HNRNPC: variants seen among roughly 807,000 people sequenced by gnomAD.
The protein encoded by HNRNPC is heterogeneous nuclear ribonucleoprotein C.
A neutral mutation model predicts 33.2 loss-of-function variants in HNRNPC; 3 were observed. That is an observed-to-expected ratio of 0.09 (90% CI 0.04 to 0.23). The LOEUF is 0.23. Among genes scored for constraint, HNRNPC ranks in the 10% least tolerant of loss-of-function variants. HNRNPC has a pLI of 1.00. For synonymous variants in HNRNPC, 121 were observed against 126.7 expected, an observed-to-expected ratio of 0.96 and a Z score of 0.30; for missense variants, 143 against 366.7, an observed-to-expected ratio of 0.39 and a Z score of 4.98.
chr14:21,258,077 T>C (rs1340386082), intron 2 of HNRNPC, among the ~76,000 whole-genome samples: 1 of 152,174 alleles, frequency 6.6e-6, no homozygotes, highest in Non-Finnish European at 1.5e-5. Flanking sequence ...TTTGGAACTT[T>C]AACCAAACTA....
At chr14:21,265,511 C>T (rs1412165993) in intron 1 of HNRNPC, 1 of 152,174 alleles carries the variant, frequency 6.6e-6, no homozygotes, top group African/African-American at 2.4e-5. Flanking sequence ...CATTTTCAAT[C>T]AAGAATATTC....
intron 5 of HNRNPC, among the ~76,000 whole-genome samples, chr14:21,218,138 A>AT (rs1892399111): frequency 6.6e-6 from 1 of 152,070 alleles, no homozygotes; most frequent in African/African-American, 2.4e-5. Context: ...AGTTTTTGTA[A>AT]TTTTAGTAGA....
intron 5 of HNRNPC, among the ~76,000 whole-genome samples, chr14:21,214,187 T>G (rs1473173282): frequency 1.3e-5 from 2 of 152,232 alleles, no homozygotes; most frequent in African/African-American, 4.8e-5. Flanking sequence ...AAAATACACC[T>G]ACCAACTGTT....
chr14:21,250,629 G>C (rs552131251), intron 2 of HNRNPC, among the ~76,000 whole-genome samples: 1 of 152,220 alleles, frequency 6.6e-6, no homozygotes, highest in South Asian at 2.1e-4. Context: ...AATTCTGTTT[G>C]TAATTTAGAA....
chr14:21,230,022 T>C (rs141841287), intron 5 of HNRNPC, among the ~76,000 whole-genome samples: 44 of 152,326 alleles, frequency 2.9e-4, no homozygotes, highest in African/African-American at 9.4e-4. Context: ...CAGTTCTAAA[T>C]CTGTTACCCA....
chr14:21,227,632 A>G (rs970099200), intron 5 of HNRNPC, among the ~76,000 whole-genome samples: 2 of 152,224 alleles, frequency 1.3e-5, no homozygotes, highest in African/African-American at 4.8e-5. Context: ...TTCTGTGAAG[A>G]TATTTCTGCA....
chr14:21,250,903 G>T (rs1221796953), intron 2 of HNRNPC, among the ~76,000 whole-genome samples: 1 of 152,182 alleles, frequency 6.6e-6, no homozygotes, highest in Non-Finnish European at 1.5e-5. Flanking sequence ...CTCCCAGATG[G>T]TGATGATGCT....
intron 2 of HNRNPC, among the ~76,000 whole-genome samples, chr14:21,257,218 G>A (rs541252001): frequency 3.9e-5 from 6 of 152,184 alleles, no homozygotes; most frequent in South Asian, 2.1e-4. Context: ...CTTAAGTGTC[G>A]AAATCAGCTT....
intron 5 of HNRNPC, among the ~76,000 whole-genome samples, chr14:21,215,057 C>G (rs1892013335): frequency 1.3e-5 from 2 of 152,154 alleles, no homozygotes; most frequent in Admixed American, 6.5e-5. Flanking sequence ...TGACCACAGC[C>G]AAAATAAAGC....
intron 2 of HNRNPC, among the ~76,000 whole-genome samples, chr14:21,246,375 T>C (rs889255635): frequency 1.6e-4 from 24 of 152,128 alleles, no homozygotes; most frequent in African/African-American, 5.8e-4. Flanking sequence ...CTGGCTAACA[T>C]GGTGAAACTC....
chr14:21,239,642 G>A (rs981356732), intron 2 of HNRNPC, among the ~76,000 whole-genome samples: 1 of 152,154 alleles, frequency 6.6e-6, no homozygotes, highest in Non-Finnish European at 1.5e-5. Flanking sequence ...GGGAGGCTGA[G>A]GCGAGCAAAT....
chr14:21,209,524 G>A lies in HNRNPC; in HGVS notation c.*1699C>T, dbSNP rs1256939104. On this transcript the variant is annotated 3_prime_UTR_variant, in exon 9 of 9. Coordinates refer to ENST00000553300, the MANE Select transcript of HNRNPC (RefSeq NM_004500.4). ...CAGATTAGAAAACATCAAGTGGGTA[G>A]TATTTTTGACTGAATTAACATACAA... The A allele has an allele frequency of 6.6e-6, 1 of 152,212 alleles. No individual in the cohort carries two copies. Among genetic ancestry groups the A allele is most frequent in the African/African-American group, 2.4e-5 (1 of 41,464 alleles). 9.4% of individuals were successfully genotyped at this position (152,212 alleles called of 1,614,324 possible).
intron 5 of HNRNPC, chr14:21,213,334 C>T: frequency 2.0e-6 from 1 of 506,684 alleles, no homozygotes; most frequent in Admixed American, 3.6e-5. Flanking sequence ...AATACTGTAG[C>T]AACTTTTCCT....
intron 5 of HNRNPC, among the ~76,000 whole-genome samples, chr14:21,218,490 T>C (rs1023291563): frequency 6.7e-6 from 1 of 149,846 alleles, no homozygotes; most frequent in Admixed American, 6.7e-5. Flanking sequence ...GTTAAGAGAC[T>C]AGCCTGGCCA....
At chr14:21,224,780 C>G (rs772589543) in intron 5 of HNRNPC, among the ~76,000 whole-genome samples, 1 of 152,134 alleles carries the variant, frequency 6.6e-6, no homozygotes, top group African/African-American at 2.4e-5. Flanking sequence ...ATCAAGGCCC[C>G]TCACAACTCA....
chr14:21,257,998 G>A (rs902163582), intron 2 of HNRNPC, among the ~76,000 whole-genome samples: 12 of 152,130 alleles, frequency 7.9e-5, no homozygotes, highest in African/African-American at 2.4e-4. Flanking sequence ...TAAGGTGTTG[G>A]GAAATCAAGG....
intron 2 of HNRNPC, among the ~76,000 whole-genome samples, chr14:21,256,710 G>T (rs574186583): frequency 6.6e-6 from 1 of 151,952 alleles, no homozygotes; most frequent in African/African-American, 2.4e-5. Flanking sequence ...GTGCAATGGT[G>T]CGGGTGCGAT....
intron 2 of HNRNPC, among the ~76,000 whole-genome samples, chr14:21,261,117 G>A (rs922300324): frequency 1.3e-5 from 2 of 152,056 alleles, no homozygotes; most frequent in African/African-American, 2.4e-5. Flanking sequence ...CTTACAGGCA[G>A]GTACCAACGC....
Position 21,267,123 on chromosome 14 carries a change from A to AC in HNRNPC, c.-63+2174_-63+2175insG, listed in dbSNP as rs1555362151. The stretch of plus-strand genomic sequence containing the variant: ...AAAAAAAAAAAAAAAAAAAAAAAAA[A>AC]AAAACAAAACTGCTTTTAATAAAAC... On this transcript the variant is annotated intron_variant, in intron 1 of 8. Coordinates refer to ENST00000553300, the MANE Select transcript of HNRNPC (RefSeq NM_004500.4). 3.8e-4 allele frequency among the ~76,000 whole-genome samples: 46 copies of AC among 122,600 alleles called. 2 individuals carry two copies. The highest frequency in any genetic ancestry group is 1.1e-3 in the South Asian group (4 of 3,726). The allele number at this position is 122,600 out of a possible 152,430, so 80.4% of individuals were successfully genotyped here.
Sources: gnomAD v4.1 joint callset for allele counts (sites outside exome capture counted in the v4.1 genomes callset) on GRCh38, gnomAD v4.1.1 for gene constraint, MANE v1.5 for transcripts, NCBI Gene and HGNC (gene_info 2026-07-23, HGNC 2026-07-21) for gene names.